Variants in TFCP2L1 observed in about 807,000 individuals in gnomAD.
TFCP2L1 encodes the protein transcription factor CP2 like 1, also known as transcription factor CP2-like protein 1.
In TFCP2L1, 12 loss-of-function variants were observed where a neutral mutation model predicts 72.2. The ratio of observed to expected loss-of-function variants is 0.17; its 90% confidence interval spans 0.11 to 0.27. The LOEUF is 0.27. Among genes scored for constraint, TFCP2L1 ranks in the 10% least tolerant of loss-of-function variants. The pLI, the probability that TFCP2L1 is intolerant of heterozygous loss-of-function variation, is 1.00. For synonymous variants in TFCP2L1, 260 were observed against 251.0 expected, an observed-to-expected ratio of 1.04 and a Z score of -0.34; for missense variants, 488 against 624.6, an observed-to-expected ratio of 0.78 and a Z score of 2.33.
chr2:121,229,456 G>C (rs1686097544), intron 13 of TFCP2L1, among the ~76,000 whole-genome samples: 1 of 152,178 alleles, frequency 6.6e-6, no homozygotes, highest in Non-Finnish European at 1.5e-5. Context: ...TGGCCTCCAG[G>C]ACTGAGAGGA....
chr2:121,247,724 G>C (rs1377587266), intron 5 of TFCP2L1, among the ~76,000 whole-genome samples: 2 of 152,132 alleles, frequency 1.3e-5, no homozygotes, highest in Admixed American at 1.3e-4. Flanking sequence ...GAGAGAGCCA[G>C]GATCAAGCCA....
Position 121,249,542 on chromosome 2 carries a change from A to G in TFCP2L1, c.291+29T>C, listed in dbSNP as rs769777276. ...GACCCTAATCAAGCCCCTCTCCCCG[A>G]GGCAATGAGAACAGCCTGTGAGGCT... On this transcript the variant is annotated intron_variant, in intron 3 of 14. Transcript: ENST00000263707. 3 of 1,611,102 alleles carry G rather than the reference A, an allele frequency of 1.9e-6. No homozygotes were observed. The East Asian group carries it at 6.7e-5, about 36-fold the overall frequency.
At chr2:121,263,071 G>A (rs948033628) in intron 2 of TFCP2L1, among the ~76,000 whole-genome samples, 2 of 152,072 alleles carry the variant, frequency 1.3e-5, no homozygotes, top group African/African-American at 4.8e-5. Context: ...AAGTAGCTGG[G>A]ATTACAGGCA....
chr2:121,250,225 T>C (rs1400131549), intron 2 of TFCP2L1, among the ~76,000 whole-genome samples: 7 of 152,080 alleles, frequency 4.6e-5, no homozygotes, highest in Admixed American at 3.3e-4. Flanking sequence ...GGAAAAAACA[T>C]CCATCCATAA....
intron 2 of TFCP2L1, among the ~76,000 whole-genome samples, chr2:121,273,094 C>G (rs983418406): frequency 6.6e-6 from 1 of 152,098 alleles, no homozygotes; most frequent in East Asian, 1.9e-4. Flanking sequence ...CCTCTTCCAA[C>G]CAATAGGAAA....
Position 121,234,130 on chromosome 2 carries a change from G to T in TFCP2L1, c.1159C>A (p.Gln387Lys). ...TCTCCACTGCCGTCCCGCTTCTGCT[G>T]CAGGGGCACTCGATTCTGCTCCAGC... The part of the protein sequence containing the change: ...QELEQNRVPL[Q>K]QKRDGSGDSN... Residue 387 changes from glutamine to lysine, a missense_variant, in exon 12 of 15, where the codon CAG becomes AAG. Physicochemically the swap from Gln to Lys is moderately conservative, Grantham distance 53. Coordinates refer to ENST00000263707, the MANE Select transcript of TFCP2L1 (RefSeq NM_014553.3). 1 of 1,614,064 alleles carries T rather than the reference G, an allele frequency of 6.2e-7. No homozygotes were observed.
chr2:121,232,015 C>A, intron 12 of TFCP2L1, 47 bp from the exon 13 acceptor site: 1 of 1,535,110 alleles, frequency 6.5e-7, no homozygotes, highest in South Asian at 1.3e-5. Flanking sequence ...GCCATTCTGT[C>A]AGTGTGAGCC....
chr2:121,222,633 C>A lies in TFCP2L1; in HGVS notation c.*1708G>T, dbSNP rs1028605562. 6.6e-6 allele frequency: 1 copy of A among 152,126 alleles called. No individual in the cohort carries two copies. 9.4% of individuals were successfully genotyped at this position (152,126 alleles called of 1,614,324 possible). ...GTAGATTCATGGCTGCCTTGGACTG[C>A]AGGAGTTAGGAAAGCAGGAGTGACA... On this transcript the variant is annotated 3_prime_UTR_variant, in exon 15 of 15. Transcript: ENST00000263707.
At chr2:121,226,677 T>C (rs890084578) in intron 13 of TFCP2L1, among the ~76,000 whole-genome samples, 2 of 152,162 alleles carry the variant, frequency 1.3e-5, no homozygotes, top group Non-Finnish European at 2.9e-5. Context: ...CCCAGTGACC[T>C]TGGACAAGCC....
chr2:121,273,063 T>A (rs1687077621), intron 2 of TFCP2L1, among the ~76,000 whole-genome samples: 1 of 152,200 alleles, frequency 6.6e-6, no homozygotes, highest in Non-Finnish European at 1.5e-5. Flanking sequence ...TGGCTTTTCT[T>A]TCTTCTCACC....
chr2:121,224,669 TGGCCCCCAA>T lies in TFCP2L1; in HGVS notation c.1394-291_1394-283del, dbSNP rs566801046. On this transcript the variant is annotated intron_variant, in intron 14 of 14. Coordinates refer to ENST00000263707, the MANE Select transcript of TFCP2L1 (RefSeq NM_014553.3). ...ACAACTGTGGTTCTCAGGGATATTATGGCCCCCAAGGCCCCAAAGACACTTGGTGGTGGC... is the reference window on the plus strand; with the variant it reads ...ACAACTGTGGTTCTCAGGGATATTATGGCCCCAAAGACACTTGGTGGTGGC... Among the ~76,000 whole-genome samples the T allele has an allele frequency of 3.3e-4, 51 of 152,316 alleles. No individual in the cohort carries two copies. In the East Asian group the frequency reaches 3.5e-3, roughly 10 times the overall value.
At chr2:121,278,692 G>GA (rs1687195920) in intron 2 of TFCP2L1, among the ~76,000 whole-genome samples, 1 of 123,588 alleles carries the variant, frequency 8.1e-6, no homozygotes. Flanking sequence ...TCAAAAAGAA[G>GA]AAAGAAAAAA....
intron 2 of TFCP2L1, among the ~76,000 whole-genome samples, chr2:121,270,828 C>T (rs1037241702): frequency 6.6e-6 from 1 of 151,478 alleles, no homozygotes; most frequent in Non-Finnish European, 1.5e-5. Context: ...ATGATTGTGT[C>T]ACTGCACTCC....
intron 11 of TFCP2L1, among the ~76,000 whole-genome samples, 164 bp downstream of exon 11, chr2:121,235,057 C>T (rs1314886411): frequency 3.3e-5 from 5 of 152,228 alleles, no homozygotes; most frequent in African/African-American, 1.2e-4. Context: ...TGCTGTGGCC[C>T]GTGCCCCTCT....
chr2:121,236,090 G>A (rs1341916571), intron 10 of TFCP2L1, among the ~76,000 whole-genome samples: 2 of 152,194 alleles, frequency 1.3e-5, no homozygotes, highest in African/African-American at 4.8e-5. Context: ...TGTAGTCAGA[G>A]TGTTCATGCC....
intron 6 of TFCP2L1, among the ~76,000 whole-genome samples, 191 bp downstream of exon 6, chr2:121,246,627 G>A (rs917110156): frequency 2.0e-5 from 3 of 152,228 alleles, no homozygotes; most frequent in Non-Finnish European, 4.4e-5. Context: ...GCCCCCAGCA[G>A]GGCAGCAGCA....
intron 5 of TFCP2L1, among the ~76,000 whole-genome samples, chr2:121,247,666 A>G (rs986406984): frequency 6.6e-6 from 1 of 152,080 alleles, no homozygotes; most frequent in African/African-American, 2.4e-5. Context: ...TTAGAAAACT[A>G]AGAGGCTCAG....
chr2:121,218,349 C>T lies in TFCP2L1; in HGVS notation c.*5992G>A, dbSNP rs1364079275. On this transcript the variant is annotated 3_prime_UTR_variant, in exon 15 of 15. Transcript: ENST00000263707. ...TCATTGGGTTCAAAGATAATATTCC[C>T]TATCATAAATCAGTGGCATAAACAG... is the stretch of plus-strand genomic sequence containing the variant. 3 of 152,098 alleles carry T rather than the reference C, an allele frequency of 2.0e-5. No homozygotes were observed. The highest frequency in any genetic ancestry group is 7.2e-5 in the African/African-American group (3 of 41,394). 9.4% of individuals were successfully genotyped at this position (152,098 alleles called of 1,614,324 possible).
At chr2:121,252,030 G>C (rs968763597) in intron 2 of TFCP2L1, among the ~76,000 whole-genome samples, 2 of 152,012 alleles carry the variant, frequency 1.3e-5, no homozygotes, top group African/African-American at 4.8e-5. Context: ...GTATTCTATT[G>C]TATTCTATTC....
Sources: allele counts gnomAD v4.1 joint callset (sites outside exome capture counted in the v4.1 genomes callset), GRCh38; gene constraint gnomAD v4.1.1; transcripts MANE v1.5; gene names NCBI Gene and HGNC (gene_info 2026-07-23, HGNC 2026-07-21).